SPTBN2: variants seen among roughly 807,000 people sequenced by gnomAD.
SPTBN2 encodes spectrin beta chain, non-erythrocytic 2.
Under a neutral mutation model 284.2 loss-of-function variants are expected in SPTBN2, and 107 were observed. The ratio of observed to expected loss-of-function variants is 0.38; its 90% CI spans 0.32 to 0.44. SPTBN2 has a LOEUF of 0.44. Ranked by LOEUF, SPTBN2 falls within the 20% of genes least tolerant of loss-of-function variation. The pLI is 1.00. For synonymous variants in SPTBN2, 1,289 were observed against 1,354.8 expected, an observed-to-expected ratio of 0.95 and a Z score of 1.07; for missense variants, 2,569 against 3,287.1, an observed-to-expected ratio of 0.78 and a Z score of 5.34.
In SPTBN2 at chr11:66,689,170, T is replaced by C. The variant is rs934803556; in HGVS notation, c.5960A>G (p.Lys1987Arg). The change falls in exon 30 of 38, where the codon AAG (lysine) becomes AGG (arginine). Residue 1987 changes from lysine (K) to arginine (R), a missense_variant. By Grantham distance (26) the Lys-to-Arg change is conservative (BLOSUM62 2). Transcript: ENST00000533211. ...GCGCCGTGCCTGCAGCTGAGACAGCTTCTCTGAGATCTGGGGGCGGGGGGC... is the reference window on the plus strand; with the variant it reads ...GCGCCGTGCCTGCAGCTGAGACAGCCTCTCTGAGATCTGGGGGCGGGGGGC... ...SHYAAEEISE[K>R]LSQLQARRQE... 3 of 1,606,824 alleles carry C rather than the reference T, an allele frequency of 1.9e-6. No homozygotes were observed. Among genetic ancestry groups the C allele is most frequent in the African/African-American group, 2.7e-5 (2 of 74,984 alleles).
chr11:66,701,645 G>T lies in SPTBN2; in HGVS notation c.2755C>A (p.Leu919Met). Residue 919 changes from leucine (L) to methionine (M), a missense_variant, in exon 16 of 38, where the codon CTG (leucine) becomes ATG (methionine). By Grantham distance (15) the Leu-to-Met change is conservative. Coordinates refer to ENST00000533211, the MANE Select transcript of SPTBN2 (RefSeq NM_006946.4). Reference sequence around the variant, plus strand: ...TCTTTGCCTGGGGGGTTGGCCTTCAGTAACTGCTCGGCAATGTCATTCACC... The same window carrying T: ...TCTTTGCCTGGGGGGTTGGCCTTCATTAACTGCTCGGCAATGTCATTCACC... ...TAVNDIAEQLLKANPPGKDRI... is the reference protein window; with the variant it reads ...TAVNDIAEQLMKANPPGKDRI... The T allele has an allele frequency of 1.2e-6, 2 of 1,614,092 alleles. No homozygotes were observed. The highest frequency in any genetic ancestry group is 1.7e-6 in the Non-Finnish European group (2 of 1,180,020).
In SPTBN2 at chr11:66,686,948, C is replaced by T. The variant is rs368381968; in HGVS notation, c.6896+46G>A. On this transcript the variant is annotated intron_variant, in intron 36 of 37. Transcript: ENST00000533211. ...CCTGACTCATGGCTCACCTGTGTCA[C>T]TCCCAACTCTCCTCCCATCCCGAGA... 42 of 1,611,596 alleles carry T rather than the reference C, an allele frequency of 2.6e-5. No individual in the cohort carries two copies. In the African/African-American group the frequency reaches 4.0e-4, roughly 15 times the overall value.
At chr11:66,737,337 T>C (rs946740077) in intron 1 of SPTBN2, among the ~76,000 whole-genome samples, 21 of 152,210 alleles carry the variant, frequency 1.4e-4, no homozygotes, top group Non-Finnish European at 1.5e-5. Context: ...AAACTTGGCT[T>C]ATACAATGTT....
Position 66,710,679 on chromosome 11 carries a change from C to T in SPTBN2, c.976G>A (p.Val326Met), listed in dbSNP as rs1350247851. 2.6e-5 allele frequency: 42 copies of T among 1,614,062 alleles called. No homozygotes were observed. The highest frequency in any genetic ancestry group is 1.1e-4 in the East Asian group (5 of 44,894). The change falls in exon 10 of 38, where the codon GTG becomes ATG. Residue 326 changes from valine (V) to methionine (M), a missense_variant. Physicochemically the swap from Val to Met is conservative, Grantham distance 21 (BLOSUM62 1). This residue lies in a region of SPTBN2 where 304 missense variants were observed against 522.1 expected (regional missense o/e 0.58). Transcript: ENST00000533211. This position sits in a 1 kb window ranked among gnomAD's most constrained non-coding sequence, Gnocchi z 4.9. ...ELLQWIEQTI[V>M]TLNDRQLANS... ...GCCAACTGCCGGTCATTGAGGGTCA[C>T]GATCGTTTGCTCGATCCACTGCAGC...
chr11:66,709,001 G>A lies in SPTBN2; in HGVS notation c.1092C>T (p.Asn364=), dbSNP rs1213763911. 1 of 1,614,044 alleles carries A rather than the reference G, an allele frequency of 6.2e-7. No individual in the cohort carries two copies. Among genetic ancestry groups the A allele is most frequent in the South Asian group, 1.1e-5 (1 of 91,060 alleles). Residue 364 remains asparagine (N), a synonymous_variant, in exon 11 of 38, where the codon AAC becomes AAT. Transcript: ENST00000533211. The part of the protein sequence containing the change: ...EKPPKFTEKG[N]LEVLLFTIQS... ...GGATGGTGAAGAGCAGCACTTCCAAGTTCCCTTTCTCGGTAAACCTGAGGC... is the reference window on the plus strand; with the variant it reads ...GGATGGTGAAGAGCAGCACTTCCAAATTCCCTTTCTCGGTAAACCTGAGGC...
In SPTBN2 at chr11:66,693,361, C is replaced by CCTG. The variant is rs750404119; in HGVS notation, c.4676_4678dup (p.Ala1559dup). ...TTCCTGCAGCTCAGCCAGCTCTGGA[C>CCTG]CTGCTGCTGCTGCACCTAGAGCACG... On this transcript the variant is annotated inframe_insertion, in exon 24 of 38. Transcript: ENST00000533211. The surrounding 1 kb of genome is among the most constrained non-coding windows in gnomAD (Gnocchi z 5.7). 1.9e-6 allele frequency: 3 copies of CCTG among 1,605,798 alleles called. No homozygotes were observed. Among genetic ancestry groups the CCTG allele is most frequent in the Non-Finnish European group, 2.5e-6 (3 of 1,180,004 alleles).
In SPTBN2 at chr11:66,692,560, C is replaced by A. The variant is rs1357488993; in HGVS notation, c.5166G>T (p.Leu1722=). 2.8e-5 allele frequency: 45 copies of A among 1,604,732 alleles called. No homozygotes were observed. The highest frequency in any genetic ancestry group is 3.8e-5 in the Non-Finnish European group (45 of 1,179,960). The change falls in exon 26 of 38, where the codon CTG becomes CTT. Residue 1722 remains leucine, a synonymous_variant. Coordinates refer to ENST00000533211, the MANE Select transcript of SPTBN2 (RefSeq NM_006946.4). Reference sequence around the variant, plus strand: ...CAGTCACATGCTCGTAGTCCTGGCCCAGCTCGTGGGAGGCCGCCACCACCT... The same window carrying A: ...CAGTCACATGCTCGTAGTCCTGGCCAAGCTCGTGGGAGGCCGCCACCACCT... ...EREVVAASHE[L]GQDYEHVTML...
chr11:66,699,674 A>C, intron 17 of SPTBN2, 66 bp from the exon 18 acceptor site: 1 of 1,525,206 alleles, frequency 6.6e-7, no homozygotes, highest in South Asian at 1.1e-5. Context: ...GGAGGGACCC[A>C]CCCAGGGGCA....
rs938426980 is a variant in SPTBN2 at position 66,700,069 on chromosome 11, C to T, written c.3573+457G>A. On this transcript the variant is annotated intron_variant, in intron 17 of 37. Coordinates refer to ENST00000533211, the MANE Select transcript of SPTBN2 (RefSeq NM_006946.4). The surrounding 1 kb of genome is among the most constrained non-coding windows in gnomAD (Gnocchi z 6.6). Reference sequence around the variant, plus strand: ...ACTCCTGGCTCCAGTGATCCACCAGCCTCAGCCTCCCCAGTAGCTGGAGCT... The same window carrying T: ...ACTCCTGGCTCCAGTGATCCACCAGTCTCAGCCTCCCCAGTAGCTGGAGCT... 6.6e-6 allele frequency among the ~76,000 whole-genome samples: 1 copy of T among 151,850 alleles called. No homozygotes were observed. Among genetic ancestry groups the T allele is most frequent in the African/African-American group, 2.4e-5 (1 of 41,330 alleles).
chr11:66,698,285 G>A (rs1362077434), intron 20 of SPTBN2, among the ~76,000 whole-genome samples: 1 of 152,210 alleles, frequency 6.6e-6, no homozygotes. Flanking sequence ...GAAACTGTTT[G>A]GACTGCAAAG....
At chr11:66,695,148 G>T (rs1006590774) in intron 21 of SPTBN2, among the ~76,000 whole-genome samples, 1 of 151,874 alleles carries the variant, frequency 6.6e-6, no homozygotes, top group Non-Finnish European at 1.5e-5. Context: ...AACCCCAGAG[G>T]TGTCAGCTGC....
At position 66,728,996 on chromosome 11, in the gene SPTBN2, G is replaced by C. The variant is rs1374670198; in HGVS notation, c.-369C>G. ...GTGAAGATTCGTCTTCTACAGATCA[G>C]ATGCTCCAAACAGGCATCTCAGCGC... On this transcript the variant is annotated 5_prime_UTR_variant, in exon 1 of 38. The change creates a new upstream start codon in the 5' untranslated region. Transcript: ENST00000533211. 3 of 151,324 alleles carry C rather than the reference G, an allele frequency of 2.0e-5. No homozygotes were observed. Among genetic ancestry groups the C allele is most frequent in the Admixed American group, 2.0e-4 (3 of 15,156 alleles). 9.4% of individuals were successfully genotyped at this position (151,324 alleles called of 1,614,324 possible). A position where few individuals can be genotyped will look rare whatever the true frequency, so the allele number is the denominator to read the frequency against.
rs1942397419 is a variant in SPTBN2, at chr11:66,721,407, C to A, written c.-80G>T. The A allele has an allele frequency of 3.3e-6, 3 of 919,192 alleles. No homozygotes were observed. Among genetic ancestry groups the A allele is most frequent in the South Asian group, 1.4e-5 (1 of 72,032 alleles). The allele number at this position is 919,192 out of a possible 1,614,324, so 56.9% of individuals were successfully genotyped here. ...CGGTTGGCTGCTCAGTGGAAATCAG[C>A]CCCCAGGGGAAGAGGGGAAGCCACC... is the stretch of plus-strand genomic sequence containing the variant. On this transcript the variant is annotated 5_prime_UTR_variant, in exon 2 of 38. Transcript: ENST00000533211.
Position 66,686,423 on chromosome 11 carries a change from T to C in SPTBN2, c.6914A>G (p.Glu2305Gly). Residue 2305 changes from glutamate to glycine, a missense_variant, in exon 37 of 38, where the codon GAA becomes GGA. Glu to Gly is a moderately conservative substitution (Grantham distance 98). Coordinates refer to ENST00000533211, the MANE Select transcript of SPTBN2 (RefSeq NM_006946.4). Reference protein sequence around the residue: ...VFKLGLQDGKEYLFQAKDEAE... With the variant: ...VFKLGLQDGKGYLFQAKDEAE... ...CTCATCCTTGGCCTGGAATAAATAT[T>C]CTTTTCCATCCTGTAAGCTGTTGGG... The C allele has an allele frequency of 6.2e-7, 1 of 1,613,926 alleles. No homozygotes were observed. Among genetic ancestry groups the C allele is most frequent in the Non-Finnish European group, 8.5e-7 (1 of 1,179,900 alleles).
Position 66,705,228 on chromosome 11 carries a change from T to G in SPTBN2, c.2048A>C (p.His683Pro). Residue 683 changes from histidine (H) to proline (P), a missense_variant, in exon 15 of 38, where the codon CAC (histidine) becomes CCC (proline). This residue lies in a region of SPTBN2 where 1,012 missense variants were observed against 1,248.9 expected (regional missense o/e 0.81). Transcript: ENST00000533211. ...GCTCATCTCGCCCCGCAGGGCTGTG[T>G]GCTTGTTGAGCAGGCGGAGGGCACC... ...LTGALRLLNK[H>P]TALRGEMSGR... 1 of 1,555,288 alleles carries G rather than the reference T, an allele frequency of 6.4e-7. No individual in the cohort carries two copies. Among genetic ancestry groups the G allele is most frequent in the Non-Finnish European group, 8.7e-7 (1 of 1,155,820 alleles).
rs1162803458 is a variant in SPTBN2 at position 66,700,864 on chromosome 11, C to G, written c.3235G>C (p.Ala1079Pro). 6 of 1,600,136 alleles carry G rather than the reference C, an allele frequency of 3.7e-6. No homozygotes were observed. Among genetic ancestry groups the G allele is most frequent in the Non-Finnish European group, 5.1e-6 (6 of 1,179,836 alleles). Reference sequence around the variant, plus strand: ...GCAGTCTGAGTGCGGCCTAGCCAGGCCTGGAAGTCATCCAAGCTGCGCAAG... The same window carrying G: ...GCAGTCTGAGTGCGGCCTAGCCAGGGCTGGAAGTCATCCAAGCTGCGCAAG... ...DFLRSLDDFQ[A>P]WLGRTQTAVA... Residue 1079 changes from alanine to proline, a missense_variant, in exon 17 of 38, where the codon GCC (alanine) becomes CCC (proline). Ala to Pro is a conservative substitution (Grantham distance 27, BLOSUM62 -1). Coordinates refer to ENST00000533211, the MANE Select transcript of SPTBN2 (RefSeq NM_006946.4). The surrounding 1 kb of genome is among the most constrained non-coding windows in gnomAD (Gnocchi z 6.6).
At position 66,715,592 on chromosome 11, in the gene SPTBN2, C is replaced by A. The variant is rs943672445; in HGVS notation, c.310-197G>T. Among the ~76,000 whole-genome samples the A allele has an allele frequency of 1.3e-5, 2 of 152,214 alleles. No homozygotes were observed. The highest frequency in any genetic ancestry group is 4.8e-5 in the African/African-American group (2 of 41,454). Reference sequence around the variant, plus strand: ...TTAAGATTCCCAAGGGAATTAATTGCACCCAGAGTAGGTGGGAAAAGAAAT... The same window carrying A: ...TTAAGATTCCCAAGGGAATTAATTGAACCCAGAGTAGGTGGGAAAAGAAAT... On this transcript the variant is annotated intron_variant, in intron 4 of 37. Coordinates refer to ENST00000533211, the MANE Select transcript of SPTBN2 (RefSeq NM_006946.4). This position sits in a 1 kb window ranked among gnomAD's most constrained non-coding sequence, Gnocchi z 5.3.
intron 3 of SPTBN2, among the ~76,000 whole-genome samples, chr11:66,720,211 C>A (rs947039637): frequency 6.6e-6 from 1 of 152,214 alleles, no homozygotes; most frequent in Non-Finnish European, 1.5e-5. Context: ...CCCCCACCCC[C>A]ACTCGGAGCA....
rs760400006 is a variant in SPTBN2 at position 66,721,446 on chromosome 11, G to A, written c.-113-6C>T. The A allele has an allele frequency of 1.1e-4, 75 of 661,246 alleles. No individual in the cohort carries two copies. Among genetic ancestry groups the A allele is most frequent in the Non-Finnish European group, 1.9e-4 (70 of 371,452 alleles). 41.0% of individuals were successfully genotyped at this position (661,246 alleles called of 1,614,324 possible). A position where few individuals can be genotyped will look rare whatever the true frequency, so the allele number is the denominator to read the frequency against. On this transcript the variant is annotated splice_region_variant and splice_polypyrimidine_tract_variant and intron_variant, in intron 1 of 37. Coordinates refer to ENST00000533211, the MANE Select transcript of SPTBN2 (RefSeq NM_006946.4). Reference sequence around the variant, plus strand: ...GGGGAAGCCACCTGGGAAGCCTGGGGACGGGAATACATCAGAAGCACAGAA... The same window carrying A: ...GGGGAAGCCACCTGGGAAGCCTGGGAACGGGAATACATCAGAAGCACAGAA...
Sources: allele counts gnomAD v4.1 joint callset (sites outside exome capture counted in the v4.1 genomes callset), GRCh38; gene constraint gnomAD v4.1.1; regional missense constraint gnomAD v4.1.1; non-coding constraint Gnocchi (gnomAD v3.1); transcripts MANE v1.5; gene names NCBI Gene and HGNC (gene_info 2026-07-23, HGNC 2026-07-21).